ITPK1: variants seen among roughly 807,000 people sequenced by gnomAD.
ITPK1 encodes inositol 1,3,4-trisphosphate 5/6-kinase.
A neutral mutation model predicts 45.3 loss-of-function variants in ITPK1; 21 were observed. The ratio of observed to expected loss-of-function variants is 0.46; its 90% CI spans 0.33 to 0.67. ITPK1 has a LOEUF of 0.67. Among genes scored for constraint, ITPK1 ranks in the 30% least tolerant of loss-of-function variants. The pLI is 0.02. For synonymous variants in ITPK1, 258 were observed against 253.6 expected, an observed-to-expected ratio of 1.02 and a Z score of -0.16; for missense variants, 474 against 573.5, an observed-to-expected ratio of 0.83 and a Z score of 1.77.
intron 3 of ITPK1, among the ~76,000 whole-genome samples, chr14:93,021,693 G>A (rs982909014): frequency 1.3e-5 from 2 of 152,118 alleles, no homozygotes; most frequent in Admixed American, 6.5e-5. Context: ...AAGGAAGACT[G>A]GAGAAGAGGA....
At chr14:92,965,383 C>T (rs1419863631) in intron 5 of ITPK1, among the ~76,000 whole-genome samples, 1 of 152,172 alleles carries the variant, frequency 6.6e-6, no homozygotes, top group Non-Finnish European at 1.5e-5. Context: ...TCTAGAAAAA[C>T]CCAGACTCCC....
intron 2 of ITPK1, among the ~76,000 whole-genome samples, chr14:93,086,157 A>G (rs1484780071): frequency 6.6e-6 from 1 of 152,170 alleles, no homozygotes; most frequent in African/African-American, 2.4e-5. Flanking sequence ...CCTCCCTTGG[A>G]CTCACTGGGG....
intron 2 of ITPK1, among the ~76,000 whole-genome samples, chr14:93,104,815 G>C (rs1032835095): frequency 2.0e-5 from 3 of 152,210 alleles, no homozygotes; most frequent in Non-Finnish European, 4.4e-5. Flanking sequence ...AGCACAGCAG[G>C]CCGCCTGAAC....
intron 4 of ITPK1, among the ~76,000 whole-genome samples, chr14:93,003,081 A>G (rs1457830511): frequency 6.6e-6 from 1 of 152,198 alleles, no homozygotes; most frequent in Non-Finnish European, 1.5e-5. Flanking sequence ...CAGGGCCAGC[A>G]CTGCACTTAT....
intron 4 of ITPK1, among the ~76,000 whole-genome samples, chr14:92,995,160 T>C (rs1886989391): frequency 6.6e-6 from 1 of 152,184 alleles, no homozygotes; most frequent in Non-Finnish European, 1.5e-5. Context: ...GTTGGCCCCC[T>C]GGGCTGGGAG....
intron 4 of ITPK1, among the ~76,000 whole-genome samples, chr14:92,996,920 TGAA>T: frequency 6.6e-6 from 1 of 152,326 alleles, no homozygotes; most frequent in Middle Eastern, 3.4e-3. Flanking sequence ...ATCTGTGACA[TGAA>T]GAATACTCCA....
intron 3 of ITPK1, among the ~76,000 whole-genome samples, chr14:93,037,244 A>G (rs535177926): frequency 6.6e-6 from 1 of 152,352 alleles, no homozygotes; most frequent in East Asian, 1.9e-4. Flanking sequence ...GGCAGTGTTG[A>G]TAGGAAAAGA....
intron 8 of ITPK1, among the ~76,000 whole-genome samples, chr14:92,957,225 C>G (rs571940376): frequency 1.3e-5 from 2 of 152,232 alleles, no homozygotes; most frequent in Non-Finnish European, 1.5e-5. Flanking sequence ...GGCGTCTGAA[C>G]GCTTCTGATG....
At chr14:92,971,995 G>A (rs1383540326) in intron 5 of ITPK1, among the ~76,000 whole-genome samples, 1 of 152,180 alleles carries the variant, frequency 6.6e-6, no homozygotes. Flanking sequence ...CCTCTTCCCA[G>A]CTCCTGGAAT....
rs1308811701 is a variant in ITPK1 at position 92,958,745 on chromosome 14, G to A, written c.505-379C>T. 6.6e-6 allele frequency among the ~76,000 whole-genome samples: 1 copy of A among 152,176 alleles called. No individual in the cohort carries two copies. The highest frequency in any genetic ancestry group is 1.5e-5 in the Non-Finnish European group (1 of 68,034). On this transcript the variant is annotated intron_variant, in intron 7 of 10. Coordinates refer to ENST00000267615, the MANE Select transcript of ITPK1 (RefSeq NM_014216.6). The surrounding 1 kb of genome is among the most constrained non-coding windows in gnomAD (Gnocchi z 4.4). ...CTAAAGGATCCTCCACAAAGACCCGGGAGGAGGAAGGAAGCAGATGACTCG... is the reference window on the plus strand; with the variant it reads ...CTAAAGGATCCTCCACAAAGACCCGAGAGGAGGAAGGAAGCAGATGACTCG...
intron 6 of ITPK1, 77 bp from the exon 7 acceptor site, chr14:92,962,472 GA>G: frequency 2.0e-6 from 2 of 986,312 alleles, no homozygotes; most frequent in Non-Finnish European, 3.3e-6. Flanking sequence ...GGCACGTCTA[GA>G]AAGGAACTCT....
At chr14:92,949,226 C>T (rs150242070) in intron 9 of ITPK1, among the ~76,000 whole-genome samples, 175 of 152,190 alleles carry the variant, frequency 1.1e-3, no homozygotes, top group African/African-American at 4.0e-3. Flanking sequence ...CCTGAGTAGC[C>T]GCAACTACAG....
chr14:92,967,742 T>C (rs1025517069), intron 5 of ITPK1, among the ~76,000 whole-genome samples: 2 of 152,218 alleles, frequency 1.3e-5, no homozygotes, highest in Non-Finnish European at 2.9e-5. Context: ...AACAAAGTAT[T>C]GAGACATGCT....
At chr14:93,046,754 T>C (rs1468831138) in intron 3 of ITPK1, among the ~76,000 whole-genome samples, 4 of 152,012 alleles carry the variant, frequency 2.6e-5, no homozygotes, top group Non-Finnish European at 5.9e-5. Context: ...AACTAGTGAA[T>C]GAATAAAAGC....
intron 7 of ITPK1, among the ~76,000 whole-genome samples, chr14:92,960,165 C>T (rs1196195964): frequency 6.6e-6 from 1 of 152,146 alleles, no homozygotes; most frequent in African/African-American, 2.4e-5. Flanking sequence ...CGGCAGTGGA[C>T]CCAGACAGCC....
In ITPK1 at chr14:92,937,561, C is replaced by CT. The variant is rs1183393752; in HGVS notation, c.*3999dup. ...ACCAGCAGGAGGCCATGGAGTCATG[C>CT]TCACCAGCTCTCCCCTGAGCAGTGC... is the stretch of plus-strand genomic sequence containing the variant. On this transcript the variant is annotated 3_prime_UTR_variant, in exon 11 of 11. Transcript: ENST00000267615. The CT allele has an allele frequency of 5.9e-5, 9 of 152,418 alleles. No homozygotes were observed. The East Asian group carries it at 1.7e-3, about 29-fold the overall frequency. The allele number at this position is 152,418 out of a possible 1,614,324, so 9.4% of individuals were successfully genotyped here.
rs1268315714 is a variant in ITPK1, at chr14:92,994,005, G to A, written c.247-8C>T. 5 of 1,584,548 alleles carry A rather than the reference G, an allele frequency of 3.2e-6. No homozygotes were observed. The East Asian group carries it at 9.0e-5, about 28-fold the overall frequency. ...GTGGGCATCGATGTACTCCTGAAAG[G>A]GAAGCATGCTGCTCTGGTTAGAGCA... On this transcript the variant is annotated splice_region_variant and splice_polypyrimidine_tract_variant and intron_variant, in intron 4 of 10. Transcript: ENST00000267615.
At chr14:93,021,414 A>C (rs139154625) in intron 3 of ITPK1, among the ~76,000 whole-genome samples, 4,296 of 152,104 alleles carry the variant, frequency 0.028, 189 homozygotes, top group African/African-American at 0.096. Context: ...CAACATGGTG[A>C]AACCCTGTCT....
intron 4 of ITPK1, among the ~76,000 whole-genome samples, chr14:93,001,835 C>A (rs893805909): frequency 6.6e-6 from 1 of 152,204 alleles, no homozygotes. Context: ...CAAGGCCTGG[C>A]CTTTCCACCA....
Sources: allele counts gnomAD v4.1 joint callset (sites outside exome capture counted in the v4.1 genomes callset), GRCh38; gene constraint gnomAD v4.1.1; non-coding constraint Gnocchi (gnomAD v3.1); transcripts MANE v1.5; gene names NCBI Gene and HGNC (gene_info 2026-07-23, HGNC 2026-07-21).